The following SRBD1 variants were observed in gnomAD, a reference collection of about 807,000 sequenced individuals.
The protein encoded by SRBD1 is S1 RNA-binding domain-containing protein 1.
A neutral mutation model predicts 115.3 loss-of-function variants in SRBD1; 88 were observed. That is an observed-to-expected ratio of 0.76 (90% confidence interval 0.64 to 0.91). SRBD1 has a LOEUF of 0.91. Among genes scored for constraint, SRBD1 ranks in the 40% least tolerant of loss-of-function variants. SRBD1 has a pLI of 0.00. For missense variants in SRBD1, 1,385 were observed against 1,177.4 expected, an observed-to-expected ratio of 1.18 and a Z score of -2.58; for synonymous variants, 509 against 407.7, an observed-to-expected ratio of 1.25 and a Z score of -2.99.
rs553779696 is a variant in SRBD1, at chr2:45,540,557, C to G, written c.1874+6175G>C. 1.4e-4 allele frequency among the ~76,000 whole-genome samples: 22 copies of G among 151,850 alleles called. No individual in the cohort carries two copies. In the South Asian group the frequency reaches 4.4e-3, roughly 30 times the overall value. Reference sequence around the variant, plus strand: ...TCTCAAAACTAAAATTTTTGCCATTCAAAAGATCCTGTTTAAAAAAAAGTG... The same window carrying G: ...TCTCAAAACTAAAATTTTTGCCATTGAAAAGATCCTGTTTAAAAAAAAGTG... On this transcript the variant is annotated intron_variant, in intron 14 of 20. Transcript: ENST00000263736.
At chr2:45,543,607 T>C (rs1168150217) in intron 14 of SRBD1, among the ~76,000 whole-genome samples, 1 of 152,074 alleles carries the variant, frequency 6.6e-6, no homozygotes, top group African/African-American at 2.4e-5. Context: ...AACTTCAAAG[T>C]GTAAGATGAG....
chr2:45,406,461 T>C (rs1410463331), intron 19 of SRBD1, among the ~76,000 whole-genome samples: 1 of 152,112 alleles, frequency 6.6e-6, no homozygotes, highest in East Asian at 1.9e-4. Flanking sequence ...CTAAATCCCA[T>C]GTTCCCCTTA....
chr2:45,529,122 G>A (rs973759251), intron 14 of SRBD1, among the ~76,000 whole-genome samples: 1 of 151,866 alleles, frequency 6.6e-6, no homozygotes, highest in Non-Finnish European at 1.5e-5. Context: ...TAAGACCTCA[G>A]GCTTAACTGT....
chr2:45,556,646 A>G (rs976948420), intron 10 of SRBD1, among the ~76,000 whole-genome samples: 1 of 151,930 alleles, frequency 6.6e-6, no homozygotes, highest in African/African-American at 2.4e-5. Flanking sequence ...TATTTTTAGC[A>G]GAGACAGGTT....
At chr2:45,480,207 T>A (rs1002423133) in intron 15 of SRBD1, among the ~76,000 whole-genome samples, 1 of 152,204 alleles carries the variant, frequency 6.6e-6, no homozygotes, top group Non-Finnish European at 1.5e-5. Flanking sequence ...CCATTCTGCA[T>A]ACCATGTATC....
intron 20 of SRBD1, among the ~76,000 whole-genome samples, chr2:45,390,599 A>G (rs1227453665): frequency 6.6e-6 from 1 of 152,136 alleles, no homozygotes; most frequent in Non-Finnish European, 1.5e-5. Context: ...AACAAAGAAC[A>G]CATTCTATGC....
chr2:45,485,251 T>C (rs774882159), intron 15 of SRBD1, among the ~76,000 whole-genome samples: 3 of 152,216 alleles, frequency 2.0e-5, no homozygotes, highest in Non-Finnish European at 4.4e-5. Flanking sequence ...GGTTTCGTGA[T>C]CCATCCCAGG....
At chr2:45,607,864 C>T (rs1348835189) in intron 1 of SRBD1, among the ~76,000 whole-genome samples, 1 of 152,164 alleles carries the variant, frequency 6.6e-6, no homozygotes, top group Non-Finnish European at 1.5e-5. Flanking sequence ...GGCAGAGAAC[C>T]CTAGTCTTCC....
intron 11 of SRBD1, among the ~76,000 whole-genome samples, chr2:45,551,515 T>C (rs1672298979): frequency 6.6e-6 from 1 of 152,148 alleles, no homozygotes; most frequent in Non-Finnish European, 1.5e-5. Flanking sequence ...CTACATTACC[T>C]CTCTATCTGC....
intron 9 of SRBD1, among the ~76,000 whole-genome samples, chr2:45,567,649 T>C (rs1343532295): frequency 6.6e-6 from 1 of 152,022 alleles, no homozygotes; most frequent in Non-Finnish European, 1.5e-5. Context: ...AACAATATAT[T>C]CAATAATACT....
intron 12 of SRBD1, 120 bp from the exon 13 acceptor site, chr2:45,547,732 T>C: frequency 1.4e-6 from 1 of 715,178 alleles, no homozygotes; most frequent in Non-Finnish European, 2.3e-6. Context: ...TAATGAAGTC[T>C]GAACTATTCA....
At chr2:45,520,525 T>C (rs1671250578) in intron 14 of SRBD1, among the ~76,000 whole-genome samples, 2 of 152,318 alleles carry the variant, frequency 1.3e-5, no homozygotes, top group South Asian at 2.1e-4. Flanking sequence ...TGGATATCCA[T>C]GGCCCTAGTG....
At position 45,501,765 on chromosome 2, in the gene SRBD1, C is replaced by CTGGA. The variant is rs558959599; in HGVS notation, c.1875-13438_1875-13435dup. On this transcript the variant is annotated intron_variant, in intron 14 of 20. Transcript: ENST00000263736. ...GTAGGGGCACCTGCCATTGCTGAGGCTGGAGTAGGTAAACAAAGCAGCTGG... is the reference window on the plus strand; with the variant it reads ...GTAGGGGCACCTGCCATTGCTGAGGCTGGATGGAGTAGGTAAACAAAGCAGCTGG... 2.6e-4 allele frequency among the ~76,000 whole-genome samples: 40 copies of CTGGA among 152,280 alleles called. 1 individual carries two copies. In the South Asian group the frequency reaches 7.7e-3, roughly 29 times the overall value.
chr2:45,427,110 G>A (rs1408280645), intron 16 of SRBD1, among the ~76,000 whole-genome samples: 1 of 152,198 alleles, frequency 6.6e-6, no homozygotes. Flanking sequence ...CTGAAAAAAG[G>A]TTAGAGGAAT....
intron 14 of SRBD1, among the ~76,000 whole-genome samples, chr2:45,498,541 T>G (rs904117653): frequency 1.3e-5 from 2 of 152,196 alleles, no homozygotes; most frequent in Non-Finnish European, 2.9e-5. Context: ...TTTTTCTTCA[T>G]GTTGAGAACA....
chr2:45,455,607 T>C (rs1016350337), intron 16 of SRBD1, among the ~76,000 whole-genome samples: 4 of 151,938 alleles, frequency 2.6e-5, no homozygotes, highest in South Asian at 4.2e-4. Context: ...CTCTGAAGCA[T>C]AGGGAAGGGG....
chr2:45,568,455 T>G (rs1232700380), intron 9 of SRBD1, among the ~76,000 whole-genome samples: 1 of 152,166 alleles, frequency 6.6e-6, no homozygotes, highest in Non-Finnish European at 1.5e-5. Context: ...GGAAGCTGTT[T>G]TTGTAACCTA....
At chr2:45,463,033 A>C (rs1012882524) in intron 16 of SRBD1, among the ~76,000 whole-genome samples, 3 of 83,510 alleles carry the variant, frequency 3.6e-5, no homozygotes, top group Non-Finnish European at 6.4e-5. Context: ...GGGGGGGGGA[A>C]ATCTCTCTTG....
intron 14 of SRBD1, among the ~76,000 whole-genome samples, chr2:45,502,185 G>C (rs756190668): frequency 6.6e-5 from 10 of 152,208 alleles, no homozygotes; most frequent in East Asian, 1.9e-4. Flanking sequence ...ACAGGGTCTG[G>C]AGTGGACCTC....
Sources: allele counts gnomAD v4.1 joint callset (sites outside exome capture counted in the v4.1 genomes callset), GRCh38; gene constraint gnomAD v4.1.1; transcripts MANE v1.5; gene names NCBI Gene and HGNC (gene_info 2026-07-23, HGNC 2026-07-21).